The following CD2AP variants were observed in gnomAD, a reference collection of about 807,000 sequenced individuals.
The protein encoded by CD2AP is CD2-associated protein.
Under a neutral mutation model 85.1 loss-of-function variants are expected in CD2AP, and 46 were observed. That is an observed-to-expected ratio of 0.54 (90% confidence interval 0.43 to 0.69). The LOEUF is 0.69. CD2AP is among the 30% of genes least tolerant of loss of function. CD2AP has a pLI of 0.00. For synonymous variants in CD2AP, 255 were observed against 252.9 expected (o/e 1.01, Z -0.08); for missense variants, 769 against 729.5 (o/e 1.05, Z -0.62).
chr6:47,585,206 GGCA>G (rs1196352489), intron 11 of CD2AP, among the ~76,000 whole-genome samples: 3 of 151,412 alleles, frequency 2.0e-5, no homozygotes, highest in African/African-American at 7.2e-5. Context: ...AGGAGGCTGA[GGCA>G]GGAGAATGGC....
chr6:47,541,878 T>C (rs1767224840), intron 3 of CD2AP, among the ~76,000 whole-genome samples: 1 of 152,222 alleles, frequency 6.6e-6, no homozygotes, highest in African/African-American at 2.4e-5. Context: ...AAGAGTTTAT[T>C]TGGAGATCAT....
intron 2 of CD2AP, among the ~76,000 whole-genome samples, chr6:47,527,672 G>A (rs1766765655): frequency 6.6e-6 from 1 of 152,212 alleles, no homozygotes; most frequent in Non-Finnish European, 1.5e-5. Context: ...GGACATGGAA[G>A]TAACTATGTT....
chr6:47,489,472 G>A (rs558067059), intron 1 of CD2AP, among the ~76,000 whole-genome samples: 3 of 152,108 alleles, frequency 2.0e-5, no homozygotes, highest in East Asian at 3.9e-4. Context: ...CACCGTGCCC[G>A]GCTGCACTCG....
chr6:47,505,594 G>C (rs112625394), intron 2 of CD2AP, among the ~76,000 whole-genome samples: 2 of 120,628 alleles, frequency 1.7e-5, no homozygotes, highest in African/African-American at 6.0e-5. Context: ...CTCACCTCCC[G>C]GACGGGGCGG....
chr6:47,584,539 C>A (rs530051361), intron 11 of CD2AP, among the ~76,000 whole-genome samples: 2 of 151,882 alleles, frequency 1.3e-5, no homozygotes, highest in South Asian at 2.1e-4. Flanking sequence ...AACTAACTGA[C>A]CCCCCGATTA....
At chr6:47,484,669 T>G (rs1305691773) in intron 1 of CD2AP, among the ~76,000 whole-genome samples, 1 of 152,228 alleles carries the variant, frequency 6.6e-6, no homozygotes, top group East Asian at 1.9e-4. Context: ...TTATGTAGCT[T>G]GTTAAACTTC....
At chr6:47,500,757 T>C (rs1402997370) in intron 1 of CD2AP, among the ~76,000 whole-genome samples, 1 of 151,930 alleles carries the variant, frequency 6.6e-6, no homozygotes, top group African/African-American at 2.4e-5. Context: ...TGGTTTTTTT[T>C]TTTTTTTGAG....
In CD2AP at chr6:47,586,961, T is replaced by G. The variant is rs1768646779; in HGVS notation, c.1108+4896T>G. ...TCTAAGTATTTTCAGAATGTTCTCATACACCTGATATGCCTTTAATAGATC... is the reference window on the plus strand; with the variant it reads ...TCTAAGTATTTTCAGAATGTTCTCAGACACCTGATATGCCTTTAATAGATC... On this transcript the variant is annotated intron_variant, in intron 11 of 17. Coordinates refer to ENST00000359314, the MANE Select transcript of CD2AP (RefSeq NM_012120.3). 2.0e-5 allele frequency among the ~76,000 whole-genome samples: 3 copies of G among 152,316 alleles called. 1 individual carries two copies. In the South Asian group the frequency reaches 6.2e-4, roughly 32 times the overall value.
chr6:47,515,980 C>T (rs374847632), intron 2 of CD2AP, among the ~76,000 whole-genome samples: 4 of 152,064 alleles, frequency 2.6e-5, no homozygotes, highest in African/African-American at 9.7e-5. Context: ...GAAAATGAAG[C>T]TTGGCTTGAA....
chr6:47,502,409 G>A (rs1766018007), intron 1 of CD2AP, among the ~76,000 whole-genome samples: 2 of 151,616 alleles, frequency 1.3e-5, no homozygotes. Flanking sequence ...GACTACAGGT[G>A]TACACTGCCA....
chr6:47,598,408 C>G (rs1388608018), intron 12 of CD2AP, among the ~76,000 whole-genome samples: 1 of 150,764 alleles, frequency 6.6e-6, no homozygotes, highest in Non-Finnish European at 1.5e-5. Flanking sequence ...GGGTATCTAC[C>G]CAGAGGAAAA....
At position 47,500,847 on chromosome 6, in the gene CD2AP, C is replaced by T. The variant is rs528649235; in HGVS notation, c.5-2433C>T. On this transcript the variant is annotated intron_variant, in intron 1 of 17. Transcript: ENST00000359314. ...CTGCAACCTCCGCCTCCCGGATTCA[C>T]GCCATTTCTCCTGCCTCAGCCTCCT... Among the ~76,000 whole-genome samples, 7 of 151,810 alleles carry T rather than the reference C, an allele frequency of 4.6e-5. No individual in the cohort carries two copies. In the East Asian group the frequency reaches 5.8e-4, roughly 13 times the overall value.
intron 3 of CD2AP, among the ~76,000 whole-genome samples, chr6:47,543,230 G>A (rs541112898): frequency 6.6e-6 from 1 of 151,202 alleles, no homozygotes; most frequent in African/African-American, 2.4e-5. Context: ...CTTCTAAGCT[G>A]AGAAGTGAAG....
rs369878862 is a variant in CD2AP at position 47,483,409 on chromosome 6, C to T, written c.4+5161C>T. 6.9e-4 allele frequency among the ~76,000 whole-genome samples: 105 copies of T among 152,172 alleles called. 1 individual carries two copies. The South Asian group carries it at 0.02, about 29-fold the overall frequency. ...GGCACTAGGTAGAGATTCAGACTGG[C>T]ATCTTGGGGGAAAAGGGAGGAAATG... On this transcript the variant is annotated intron_variant, in intron 1 of 17. Coordinates refer to ENST00000359314, the MANE Select transcript of CD2AP (RefSeq NM_012120.3).
intron 2 of CD2AP, among the ~76,000 whole-genome samples, chr6:47,512,609 G>A (rs1766347991): frequency 6.6e-6 from 1 of 152,188 alleles, no homozygotes; most frequent in South Asian, 2.1e-4. Context: ...CAGTGTGTTT[G>A]TCTTCCAGTT....
chr6:47,554,076 C>A (rs1767606803), intron 4 of CD2AP, among the ~76,000 whole-genome samples: 1 of 151,964 alleles, frequency 6.6e-6, no homozygotes, highest in African/African-American at 2.4e-5. Flanking sequence ...CCATGCCCAG[C>A]TAACTTTCGT....
intron 16 of CD2AP, among the ~76,000 whole-genome samples, chr6:47,612,251 TG>T (rs1769466643): frequency 6.6e-6 from 1 of 152,138 alleles, no homozygotes; most frequent in South Asian, 2.1e-4. Context: ...TGAATTTGCT[TG>T]ATTTCTTGAT....
In CD2AP at chr6:47,572,303, G is replaced by A. The variant is rs559871577; in HGVS notation, c.542-1761G>A. 1.4e-4 allele frequency among the ~76,000 whole-genome samples: 22 copies of A among 152,306 alleles called. No homozygotes were observed. The East Asian group carries it at 3.3e-3, about 23-fold the overall frequency. Reference sequence around the variant, plus strand: ...CGATGGTGTACAAGTGCTGGGTGACGAATTGTTCTGTATCTTGTTGTATTT... The same window carrying A: ...CGATGGTGTACAAGTGCTGGGTGACAAATTGTTCTGTATCTTGTTGTATTT... On this transcript the variant is annotated intron_variant, in intron 5 of 17. Transcript: ENST00000359314.
chr6:47,612,572 G>A (rs1366133813), intron 17 of CD2AP, 36 bp downstream of exon 17: 2 of 1,424,980 alleles, frequency 1.4e-6, no homozygotes, highest in Non-Finnish European at 2.0e-6. Flanking sequence ...AGTTTAGTGA[G>A]CATAAACTGG....
Sources: allele counts gnomAD v4.1 joint callset (sites outside exome capture counted in the v4.1 genomes callset), GRCh38; gene constraint gnomAD v4.1.1; transcripts MANE v1.5; gene names NCBI Gene and HGNC (gene_info 2026-07-23, HGNC 2026-07-21).